Variants in WWP1 observed in about 807,000 individuals in gnomAD.
WWP1 encodes WW domain containing E3 ubiquitin protein ligase 1, also known as NEDD4-like E3 ubiquitin-protein ligase WWP1.
In WWP1, 49 loss-of-function variants were observed where a neutral mutation model predicts 130.6. That is an observed-to-expected ratio of 0.38 (90% CI 0.30 to 0.48). The LOEUF is 0.48. WWP1 is among the 20% of genes least tolerant of loss of function. The probability of loss-of-function intolerance (pLI) is 0.99; values close to 1 mark genes in which losing one functional copy is unlikely to be tolerated. For missense variants in WWP1, 809 were observed against 1,100.6 expected (o/e 0.74, Z 3.75); for synonymous variants, 332 against 367.8 (o/e 0.90, Z 1.11).
intron 2 of WWP1, among the ~76,000 whole-genome samples, chr8:86,372,898 T>C (rs543712847): frequency 6.6e-6 from 1 of 152,122 alleles, no homozygotes; most frequent in Non-Finnish European, 1.5e-5. Context: ...TATTAACTCC[T>C]TTCTTTGGGT....
At chr8:86,437,570 G>C (rs1330411635) in intron 16 of WWP1, among the ~76,000 whole-genome samples, 1 of 152,076 alleles carries the variant, frequency 6.6e-6, no homozygotes, top group African/African-American at 2.4e-5. Flanking sequence ...ACCCAAAATA[G>C]AACTATCCAT....
chr8:86,350,134 T>C (rs1319137236), intron 1 of WWP1, among the ~76,000 whole-genome samples: 3 of 152,216 alleles, frequency 2.0e-5, no homozygotes, highest in Admixed American at 6.5e-5. Context: ...TCCTCTCTTA[T>C]GGAAATACAA....
At chr8:86,438,175 AC>A (rs1810402632) in intron 16 of WWP1, among the ~76,000 whole-genome samples, 1 of 152,204 alleles carries the variant, frequency 6.6e-6, no homozygotes. Context: ...AAGATAAAAT[AC>A]ATATACTGTT....
At chr8:86,383,160 T>A (rs1484428431) in intron 5 of WWP1, among the ~76,000 whole-genome samples, 1 of 144,030 alleles carries the variant, frequency 6.9e-6, no homozygotes. Flanking sequence ...ATTGTAAGTT[T>A]GATTCTCTGC....
chr8:86,380,200 A>T (rs1295010019), intron 3 of WWP1, among the ~76,000 whole-genome samples: 2 of 152,208 alleles, frequency 1.3e-5, no homozygotes, highest in East Asian at 3.8e-4. Flanking sequence ...TGCATGTTAC[A>T]ATATGGATGA....
chr8:86,423,822 A>AGAGGCGCCCCCCACCTC (rs2130634563), intron 9 of WWP1, among the ~76,000 whole-genome samples: 2 of 52,776 alleles, frequency 3.8e-5, no homozygotes, highest in South Asian at 1.6e-3. Flanking sequence ...CCCCCCCCCC[A>AGAGGCGCCCCCCACCTC]CCTCCCGGAC....
chr8:86,390,834 T>A (rs1807291386), intron 5 of WWP1, among the ~76,000 whole-genome samples: 1 of 152,102 alleles, frequency 6.6e-6, no homozygotes, highest in Admixed American at 6.5e-5. Context: ...CAGAATAGAT[T>A]TTGCAGTTAT....
At chr8:86,381,169 T>C (rs976564214) in intron 4 of WWP1, among the ~76,000 whole-genome samples, 1 of 152,146 alleles carries the variant, frequency 6.6e-6, no homozygotes, top group African/African-American at 2.4e-5. Context: ...ATGGCATAAA[T>C]TTGTGTATAG....
Position 86,442,907 on chromosome 8 carries a change from C to G in WWP1, c.1998+129C>G, listed in dbSNP as rs558360186. Reference sequence around the variant, plus strand: ...AAGTTTTGTTACCAAGAAAGTTTCCCTGGAGAGTGTAAAAATATATTTTTT... The same window carrying G: ...AAGTTTTGTTACCAAGAAAGTTTCCGTGGAGAGTGTAAAAATATATTTTTT... On this transcript the variant is annotated intron_variant, in intron 18 of 24. Transcript: ENST00000517970. The G allele has an allele frequency of 8.6e-6, 8 of 925,088 alleles. No homozygotes were observed. In the East Asian group the frequency reaches 2.3e-4, roughly 27 times the overall value. The allele number at this position is 925,088 out of a possible 1,614,324, so 57.3% of individuals were successfully genotyped here.
chr8:86,369,470 T>C (rs917381587), intron 2 of WWP1, among the ~76,000 whole-genome samples: 1 of 152,112 alleles, frequency 6.6e-6, no homozygotes, highest in Non-Finnish European at 1.5e-5. Flanking sequence ...AGGGTTTATA[T>C]AGAATAAAGA....
chr8:86,364,537 T>TA (rs1201568340), intron 1 of WWP1, among the ~76,000 whole-genome samples: 1 of 152,094 alleles, frequency 6.6e-6, no homozygotes, highest in East Asian at 1.9e-4. Context: ...AATAAATCTT[T>TA]AAAAATAAAA....
chr8:86,463,401 A>G (rs7461668), intron 24 of WWP1, among the ~76,000 whole-genome samples: 40,971 of 151,680 alleles, frequency 0.27, 6,389 homozygotes, highest in East Asian at 0.54. Context: ...CTGCCTCCCA[A>G]GTTCAAGCGA....
Position 86,442,696 on chromosome 8 carries a change from A to G in WWP1, c.1916A>G (p.Tyr639Cys). The G allele has an allele frequency of 6.2e-7, 1 of 1,612,858 alleles. No individual in the cohort carries two copies. Residue 639 changes from tyrosine to cysteine, a missense_variant, in exon 18 of 25, where the codon TAT becomes TGT. Transcript: ENST00000517970. ...CLFEYAGKNNYCLQINPASTI... is the reference protein window; with the variant it reads ...CLFEYAGKNNCCLQINPASTI... ...TTTGAGTATGCGGGCAAGAACAACT[A>G]TTGTCTGCAGATAAATCCAGCATCA...
chr8:86,406,273 A>G (rs1461122062), intron 8 of WWP1, among the ~76,000 whole-genome samples: 1 of 152,232 alleles, frequency 6.6e-6, no homozygotes, highest in Non-Finnish European at 1.5e-5. Context: ...AATCTAAAAC[A>G]TTCATAATAG....
Position 86,467,032 on chromosome 8 carries a change from A to G in WWP1, c.*139A>G. On this transcript the variant is annotated 3_prime_UTR_variant, in exon 25 of 25. Coordinates refer to ENST00000517970, the MANE Select transcript of WWP1 (RefSeq NM_007013.4). ...CAAAGTATGTTTTCCGTTCTTCCAC[A>G]GAAATATGCAAAACAGTTCATCCTT... 1.5e-6 allele frequency: 1 copy of G among 649,372 alleles called. No homozygotes were observed. 40.2% of individuals were successfully genotyped at this position (649,372 alleles called of 1,614,324 possible).
At chr8:86,412,775 C>T (rs1373354024) in intron 9 of WWP1, among the ~76,000 whole-genome samples, 5 of 149,878 alleles carry the variant, frequency 3.3e-5, no homozygotes, top group African/African-American at 7.4e-5. Context: ...TGCTTAATTA[C>T]GGTTTCAGCC....
intron 2 of WWP1, among the ~76,000 whole-genome samples, chr8:86,372,941 T>A (rs1350811481): frequency 6.6e-6 from 1 of 152,162 alleles, no homozygotes; most frequent in Non-Finnish European, 1.5e-5. Flanking sequence ...ACTTACCAGA[T>A]GACCTACTAA....
intron 5 of WWP1, among the ~76,000 whole-genome samples, chr8:86,391,849 C>T (rs1450642681): frequency 6.6e-6 from 1 of 152,186 alleles, no homozygotes; most frequent in Non-Finnish European, 1.5e-5. Context: ...AAAGCCCTAT[C>T]CTTCCCAATG....
chr8:86,455,126 G>A (rs1811367074), intron 21 of WWP1, among the ~76,000 whole-genome samples: 1 of 151,970 alleles, frequency 6.6e-6, no homozygotes, highest in South Asian at 2.1e-4. Context: ...AGATACAGTA[G>A]TCATTCTTTA....
Sources: allele counts gnomAD v4.1 joint callset (sites outside exome capture counted in the v4.1 genomes callset), GRCh38; gene constraint gnomAD v4.1.1; transcripts MANE v1.5; gene names NCBI Gene and HGNC (gene_info 2026-07-23, HGNC 2026-07-21).